The following SARS1 variants were observed in gnomAD, a reference collection of about 807,000 sequenced individuals.
SARS1 encodes the protein serine--tRNA ligase, cytoplasmic.
In SARS1, 25 loss-of-function variants were observed where a neutral mutation model predicts 63.7. The observed-to-expected ratio is 0.39, with a 90% CI of 0.29 to 0.55. SARS1 has a LOEUF of 0.55. Ranked by LOEUF, SARS1 falls within the 20% of genes least tolerant of loss-of-function variation. The probability of loss-of-function intolerance (pLI) is 0.62; values close to 1 mark genes in which losing one functional copy is unlikely to be tolerated. For missense variants in SARS1, 417 were observed against 649.7 expected (o/e 0.64, Z 3.89); for synonymous variants, 231 against 243.5 (o/e 0.95, Z 0.48).
In SARS1 at chr1:109,235,577, G is replaced by A. The variant is rs1655290440; in HGVS notation, c.969+146G>A. The A allele has an allele frequency of 1.4e-6, 1 of 694,490 alleles. No homozygotes were observed. The highest frequency in any genetic ancestry group is 2.7e-5 in the East Asian group (1 of 36,760). 43.0% of individuals were successfully genotyped at this position (694,490 alleles called of 1,614,324 possible). A position where few individuals can be genotyped will look rare whatever the true frequency, so the allele number is the denominator to read the frequency against. ...CTCTGTGTTTCTGGGGAAGTGCATG[G>A]TGGAGTGGCGTGGATTATGGACCCT... On this transcript the variant is annotated intron_variant, in intron 7 of 10. Coordinates refer to ENST00000234677, the MANE Select transcript of SARS1 (RefSeq NM_006513.4). This position sits in a 1 kb window ranked among gnomAD's most constrained non-coding sequence, Gnocchi z 4.7.
Position 109,214,795 on chromosome 1 carries a change from T to C in SARS1, c.136+667T>C. 1 of 985,400 alleles carries C rather than the reference T, an allele frequency of 1.0e-6. No homozygotes were observed. The highest frequency in any genetic ancestry group is 1.2e-6 in the Non-Finnish European group (1 of 829,936). The allele number at this position is 985,400 out of a possible 1,614,324, so 61.0% of individuals were successfully genotyped here. A position where few individuals can be genotyped will look rare whatever the true frequency, so the allele number is the denominator to read the frequency against. ...ATTGTAATGACTGAAGCTGTTTAATTGTGATTTGTGGACGTTTTCCTTTAA... is the reference window on the plus strand; with the variant it reads ...ATTGTAATGACTGAAGCTGTTTAATCGTGATTTGTGGACGTTTTCCTTTAA... On this transcript the variant is annotated intron_variant, in intron 1 of 10. Coordinates refer to ENST00000234677, the MANE Select transcript of SARS1 (RefSeq NM_006513.4). The surrounding 1 kb of genome is among the most constrained non-coding windows in gnomAD (Gnocchi z 4.6).
chr1:109,231,077 A>C, intron 5 of SARS1, 56 bp downstream of exon 5: 1 of 988,522 alleles, frequency 1.0e-6, no homozygotes, highest in Non-Finnish European at 1.3e-6. Context: ...AAATATATAT[A>C]TATATATTTT....
chr1:109,217,920 G>A (rs1400624142), intron 1 of SARS1, among the ~76,000 whole-genome samples: 5 of 152,116 alleles, frequency 3.3e-5, no homozygotes, highest in Non-Finnish European at 7.4e-5. Flanking sequence ...AGCCCGGTGC[G>A]GTGACTCACT....
At chr1:109,219,726 G>A (rs1368700740) in intron 1 of SARS1, among the ~76,000 whole-genome samples, 2 of 151,992 alleles carry the variant, frequency 1.3e-5, no homozygotes, top group Non-Finnish European at 2.9e-5. Context: ...TGTTAGCCAG[G>A]ATGGTCTTGA....
rs1557715381 is a variant in SARS1 at position 109,221,997 on chromosome 1, TATATATATA to T, written c.137-1980_137-1972del. On this transcript the variant is annotated intron_variant, in intron 1 of 10. Coordinates refer to ENST00000234677, the MANE Select transcript of SARS1 (RefSeq NM_006513.4). ...ATATATATATATATATATATATATA[TATATATATA>T]TATATTTTTTTTTTTTTTTTTTTTT... 5.7e-3 allele frequency among the ~76,000 whole-genome samples: 100 copies of T among 17,418 alleles called. 5 individuals carry two copies. The highest frequency in any genetic ancestry group is 9.8e-3 in the East Asian group (6 of 610). The allele number at this position is 17,418 out of a possible 152,430, so 11.4% of individuals were successfully genotyped here. A position where few individuals can be genotyped will look rare whatever the true frequency, so the allele number is the denominator to read the frequency against.
intron 6 of SARS1, among the ~76,000 whole-genome samples, chr1:109,232,736 G>C (rs148691358): frequency 4.5e-4 from 68 of 152,212 alleles, no homozygotes; most frequent in African/African-American, 1.6e-3. Flanking sequence ...TCCTTTACTC[G>C]CTAAAACCTG....
At position 109,238,035 on chromosome 1, in the gene SARS1, A is replaced by G. The variant is rs1655351717; in HGVS notation, c.*147A>G. 2 of 827,378 alleles carry G rather than the reference A, an allele frequency of 2.4e-6. No individual in the cohort carries two copies. Among genetic ancestry groups the G allele is most frequent in the South Asian group, 3.6e-5 (2 of 55,406 alleles). The allele number at this position is 827,378 out of a possible 1,614,324, so 51.3% of individuals were successfully genotyped here. A position where few individuals can be genotyped will look rare whatever the true frequency, so the allele number is the denominator to read the frequency against. On this transcript the variant is annotated 3_prime_UTR_variant, in exon 11 of 11. Transcript: ENST00000234677. ...AGAGGGGAACAGTGCCATGTACCAC[A>G]CAGATGTTCCTGTCTCCTCGCATGG...
rs566537857 is a variant in SARS1, at chr1:109,221,311, G to A, written c.137-2667G>A. Among the ~76,000 whole-genome samples, 48 of 152,074 alleles carry A rather than the reference G, an allele frequency of 3.2e-4. 1 individual carries two copies. Among genetic ancestry groups the A allele is most frequent in the Middle Eastern group, 6.8e-3 (2 of 294 alleles). On this transcript the variant is annotated intron_variant, in intron 1 of 10. Coordinates refer to ENST00000234677, the MANE Select transcript of SARS1 (RefSeq NM_006513.4). ...CTTGATCTCATGATCCGCCCGCCTC[G>A]GCCTCCCAAAGTGCTGGTATTACAG...
chr1:109,234,961 G>C (rs1655279774), intron 6 of SARS1, among the ~76,000 whole-genome samples: 1 of 152,144 alleles, frequency 6.6e-6, no homozygotes, highest in African/African-American at 2.4e-5. Flanking sequence ...GTGAGGCTCT[G>C]TCTCAAAAGC....
At chr1:109,228,239 G>A in intron 2 of SARS1, 113 bp from the exon 3 acceptor site, 1 of 804,934 alleles carries the variant, frequency 1.2e-6, no homozygotes, top group South Asian at 2.0e-5. Flanking sequence ...AAAAATTTAT[G>A]TAAGAAGTTC....
Position 109,235,226 on chromosome 1 carries a change from G to C in SARS1, c.764G>C (p.Ser255Thr). ...CTTCCACAGGTGATTGGCAAAGGCA[G>C]TGAAAAGTCTGATGACAACTCCTAT... ...EELYKVIGKG[S>T]EKSDDNSYDE... Residue 255 changes from serine (S) to threonine (T), a missense_variant, in exon 7 of 11, where the codon AGT (serine) becomes ACT (threonine). Coordinates refer to ENST00000234677, the MANE Select transcript of SARS1 (RefSeq NM_006513.4). This position sits in a 1 kb window ranked among gnomAD's most constrained non-coding sequence, Gnocchi z 4.7. 2 of 1,614,094 alleles carry C rather than the reference G, an allele frequency of 1.2e-6. No homozygotes were observed. Among genetic ancestry groups the C allele is most frequent in the Non-Finnish European group, 1.7e-6 (2 of 1,179,956 alleles).
rs764513869 is a variant in SARS1, at chr1:109,236,420, C to T, written c.1129C>T (p.Leu377Phe). 5.6e-6 allele frequency: 9 copies of T among 1,596,510 alleles called. No homozygotes were observed. The South Asian group carries it at 9.9e-5, about 18-fold the overall frequency. Residue 377 changes from leucine to phenylalanine, a missense_variant, in exon 9 of 11, where the codon CTT (leucine) becomes TTT (phenylalanine). Physicochemically the swap from Leu to Phe is conservative, Grantham distance 22 (BLOSUM62 0). Around this residue, in one of 3 missense-constraint regions of SARS1, gnomAD observed 359 missense variants for 529.6 expected, o/e 0.68. Transcript: ENST00000234677. Reference protein sequence around the residue: ...GSLNHAASKKLDLEAWFPGSG... With the variant: ...GSLNHAASKKFDLEAWFPGSG... ...TTTGAATCATGCTGCCAGTAAGAAG[C>T]TTGACCTGGAGGCCTGGTTTCCGGG...
intron 1 of SARS1, among the ~76,000 whole-genome samples, chr1:109,223,310 C>T (rs561089528): frequency 6.6e-6 from 1 of 152,350 alleles, no homozygotes; most frequent in South Asian, 2.1e-4. Context: ...GATTCCTGTG[C>T]ATAGCACCTA....
At position 109,229,547 on chromosome 1, in the gene SARS1, C is replaced by T; in HGVS notation, c.422C>T (p.Pro141Leu). The T allele has an allele frequency of 6.2e-7, 1 of 1,613,206 alleles. No homozygotes were observed. Among genetic ancestry groups the T allele is most frequent in the Non-Finnish European group, 8.5e-7 (1 of 1,179,674 alleles). The part of the protein sequence containing the change: ...NLREIGNLLH[P>L]SVPISNDEDV... The stretch of plus-strand genomic sequence containing the variant: ...CGAGAGATTGGGAACCTTCTGCACC[C>T]TTCTGTACCCATCAGTAACGATGAG... Residue 141 changes from proline to leucine, a missense_variant, in exon 4 of 11, where the codon CCT (proline) becomes CTT (leucine). Around this residue, in one of 3 missense-constraint regions of SARS1, gnomAD observed 359 missense variants for 529.6 expected, o/e 0.68. Coordinates refer to ENST00000234677, the MANE Select transcript of SARS1 (RefSeq NM_006513.4).
At chr1:109,226,677 A>AAAAAAAAT (rs1178056468) in intron 2 of SARS1, among the ~76,000 whole-genome samples, 28 of 44,954 alleles carry the variant, frequency 6.2e-4, no homozygotes, top group African/African-American at 2.1e-3. Context: ...AAAAAAAAAA[A>AAAAAAAAT]ATATATATAT....
chr1:109,229,558 A>G lies in SARS1; in HGVS notation c.433A>G (p.Ile145Val), dbSNP rs1277174555. The change falls in exon 4 of 11, where the codon ATC (isoleucine) becomes GTC (valine). Residue 145 changes from isoleucine to valine, a missense_variant. Ile to Val is a conservative substitution (Grantham distance 29, BLOSUM62 3). Transcript: ENST00000234677. ...IGNLLHPSVP[I>V]SNDEDVDNKV... is the part of the protein sequence containing the mutation. ...GAACCTTCTGCACCCTTCTGTACCCATCAGTAACGATGAGGTAGGTGGCTG... is the reference window on the plus strand; with the variant it reads ...GAACCTTCTGCACCCTTCTGTACCCGTCAGTAACGATGAGGTAGGTGGCTG... 2 of 1,610,760 alleles carry G rather than the reference A, an allele frequency of 1.2e-6. No homozygotes were observed. Among genetic ancestry groups the G allele is most frequent in the South Asian group, 1.1e-5 (1 of 90,422 alleles).
chr1:109,236,328 C>G (rs960916252), intron 8 of SARS1, 63 bp from the exon 9 acceptor site: 1 of 1,509,412 alleles, frequency 6.6e-7, no homozygotes, highest in African/African-American at 1.4e-5. Flanking sequence ...TTCAGGCTTG[C>G]TAAAGGTTAG....
In SARS1 at chr1:109,230,977, G is replaced by A. The variant is rs138534557; in HGVS notation, c.547G>A (p.Glu183Lys). The A allele has an allele frequency of 1.3e-5, 21 of 1,563,710 alleles. No individual in the cohort carries two copies. Among genetic ancestry groups the A allele is most frequent in the African/African-American group, 2.8e-5 (2 of 71,886 alleles). ...LVVMVDGFEG[E>K]KGAVVAGSRG... ...GGTGATGGTAGATGGCTTTGAAGGC[G>A]AAAAGGGGGCCGTGGTGGCTGGGAG... Residue 183 changes from glutamate (E) to lysine (K), a missense_variant, in exon 5 of 11, where the codon GAA becomes AAA. This residue lies in a region of SARS1 where 359 missense variants were observed against 529.6 expected (regional missense o/e 0.68). Transcript: ENST00000234677.
At chr1:109,236,993 C>A in intron 9 of SARS1, 1 of 1,332,508 alleles carries the variant, frequency 7.5e-7, no homozygotes, top group Non-Finnish European at 9.7e-7. Flanking sequence ...CCTCAAAGGG[C>A]CCAACTCTCA....
Sources: allele counts gnomAD v4.1 joint callset (sites outside exome capture counted in the v4.1 genomes callset), GRCh38; gene constraint gnomAD v4.1.1; regional missense constraint gnomAD v4.1.1; non-coding constraint Gnocchi (gnomAD v3.1); transcripts MANE v1.5; gene names NCBI Gene and HGNC (gene_info 2026-07-23, HGNC 2026-07-21).